The following PLXND1 variants were observed in gnomAD, a reference collection of about 807,000 sequenced individuals.
The protein encoded by PLXND1 is plexin D1, also known as plexin-D1.
A neutral mutation model predicts 197.7 loss-of-function variants in PLXND1; 54 were observed. The ratio of observed to expected loss-of-function variants is 0.27; its 90% confidence interval spans 0.22 to 0.34. The LOEUF is 0.34. Ranked by LOEUF, PLXND1 falls within the 10% of genes least tolerant of loss-of-function variation. The pLI, the probability that PLXND1 is intolerant of heterozygous loss-of-function variation, is 1.00. For missense variants in PLXND1, 2,127 were observed against 2,699.2 expected (o/e 0.79, Z 4.70); for synonymous variants, 1,180 against 1,161.2 (o/e 1.02, Z -0.33).
Position 129,565,964 on chromosome 3 carries a change from T to C in PLXND1, c.4245A>G (p.Ser1415=). ...TGAGGAAGTGCTTGTTGTTGAGTAG[T>C]GAGGAGAACAAGCTAATTCCCTCTT... ...NMEEGISLFS[S]LLNNKHFLIV... The change falls in exon 24 of 36, where the codon TCA becomes TCG. Residue 1415 remains serine (S), a synonymous_variant. Coordinates refer to ENST00000324093, the MANE Select transcript of PLXND1 (RefSeq NM_015103.3). The C allele has an allele frequency of 6.2e-7, 1 of 1,614,026 alleles. No individual in the cohort carries two copies. Among genetic ancestry groups the C allele is most frequent in the Non-Finnish European group, 8.5e-7 (1 of 1,179,910 alleles).
At chr3:129,581,804 C>T (rs1039657120) in intron 8 of PLXND1, among the ~76,000 whole-genome samples, 2 of 152,240 alleles carry the variant, frequency 1.3e-5, no homozygotes, top group African/African-American at 4.8e-5. Context: ...ACAGCAGGCA[C>T]TCAATAAATG....
At chr3:129,600,842 G>A (rs1459265192) in intron 1 of PLXND1, among the ~76,000 whole-genome samples, 2 of 152,022 alleles carry the variant, frequency 1.3e-5, no homozygotes, top group African/African-American at 4.8e-5. Context: ...GCAAAAAAAT[G>A]TCTTCTTGAC....
intron 1 of PLXND1, among the ~76,000 whole-genome samples, chr3:129,604,010 C>A (rs2085747985): frequency 1.3e-5 from 2 of 152,296 alleles, no homozygotes; most frequent in Admixed American, 1.3e-4. Flanking sequence ...ACAGACCCAG[C>A]TCCCAAAGCC....
At position 129,589,331 on chromosome 3, in the gene PLXND1, A is replaced by ACCCCCCCC; in HGVS notation, c.1488+19_1488+20insGGGGGGGG. ...AGCCTCCCACCCCCACCCCCTCCCC[A>ACCCCCCCC]CATCCCCAACCATACCTACCTTGAG... On this transcript the variant is annotated intron_variant, in intron 2 of 35. Coordinates refer to ENST00000324093, the MANE Select transcript of PLXND1 (RefSeq NM_015103.3). 1 of 489,474 alleles carries ACCCCCCCC rather than the reference A, an allele frequency of 2.0e-6. No individual in the cohort carries two copies. Among genetic ancestry groups the ACCCCCCCC allele is most frequent in the Non-Finnish European group, 3.3e-6 (1 of 306,482 alleles). 30.3% of individuals were successfully genotyped at this position (489,474 alleles called of 1,614,324 possible). A position where few individuals can be genotyped will look rare whatever the true frequency, so the allele number is the denominator to read the frequency against.
At position 129,606,668 on chromosome 3, in the gene PLXND1, C is replaced by G. The variant is rs2085801537; in HGVS notation, c.-29G>C. On this transcript the variant is annotated 5_prime_UTR_variant, in exon 1 of 36. Coordinates refer to ENST00000324093, the MANE Select transcript of PLXND1 (RefSeq NM_015103.3). ...GGCGTGCGCGGGCTGCGCGGCGCGG[C>G]GAGTGCATGGGGCGAGGCGCGGCCG... The G allele has an allele frequency of 1.1e-6, 1 of 908,692 alleles. No homozygotes were observed. The highest frequency in any genetic ancestry group is 1.2e-4 in the East Asian group (1 of 8,658). 56.3% of individuals were successfully genotyped at this position (908,692 alleles called of 1,614,324 possible).
chr3:129,563,010 G>A lies in PLXND1; in HGVS notation c.4669-67C>T, dbSNP rs183665765. On this transcript the variant is annotated intron_variant, in intron 26 of 35. Transcript: ENST00000324093. ...CCATCACTATGTCAGTGCCCAGGCA[G>A]CAAGGCCCTGCAGAGGAAGGCTGGG... is the stretch of plus-strand genomic sequence containing the variant. The A allele has an allele frequency of 1.1e-5, 18 of 1,608,582 alleles. No individual in the cohort carries two copies. In the Admixed American group the frequency reaches 2.0e-4, roughly 18 times the overall value.
intron 2 of PLXND1, among the ~76,000 whole-genome samples, chr3:129,587,557 G>A (rs1198174283): frequency 6.6e-6 from 1 of 152,188 alleles, no homozygotes; most frequent in Non-Finnish European, 1.5e-5. Flanking sequence ...CCAGGCCCCA[G>A]GCTGGGCATT....
At chr3:129,575,348 G>A (rs1329764591) in intron 11 of PLXND1, 121 bp downstream of exon 11, 1 of 662,970 alleles carries the variant, frequency 1.5e-6, no homozygotes, top group African/African-American at 1.8e-5. Context: ...GTGTGTGCTG[G>A]AGAACAATGG....
intron 27 of PLXND1, chr3:129,562,516 A>G (rs1172546713): frequency 1.1e-5 from 4 of 366,564 alleles, no homozygotes; most frequent in Non-Finnish European, 2.0e-5. Context: ...TCTCAAAAAC[A>G]AACAAACAAA....
At chr3:129,589,270 G>A (rs2085502061) in intron 2 of PLXND1, 81 bp downstream of exon 2, 1 of 853,720 alleles carries the variant, frequency 1.2e-6, no homozygotes, top group Admixed American at 2.2e-5. Flanking sequence ...TAGCAGCCCT[G>A]TGTACAGACT....
intron 1 of PLXND1, among the ~76,000 whole-genome samples, chr3:129,603,473 A>G (rs1408350831): frequency 6.6e-6 from 1 of 152,198 alleles, no homozygotes; most frequent in Non-Finnish European, 1.5e-5. Flanking sequence ...CCCTCAGTCC[A>G]CAGGACACTT....
intron 1 of PLXND1, among the ~76,000 whole-genome samples, chr3:129,597,691 C>T (rs1487790456): frequency 2.0e-5 from 3 of 152,236 alleles, no homozygotes; most frequent in Non-Finnish European, 2.9e-5. Context: ...GAGTATCAGC[C>T]GAGCAGGGTG....
chr3:129,589,285 C>A (rs370130006), intron 2 of PLXND1, 66 bp downstream of exon 2: 8 of 921,090 alleles, frequency 8.7e-6, no homozygotes, highest in African/African-American at 8.1e-5. Flanking sequence ...CAGACTGACC[C>A]CCTCAGCCAA....
At chr3:129,572,586 A>C in intron 15 of PLXND1, 23 bp downstream of exon 15, 1 of 1,484,322 alleles carries the variant, frequency 6.7e-7, no homozygotes. Context: ...GCTGGAAGGG[A>C]TGGGCCAGGC....
chr3:129,568,498 C>T (rs1025936998), intron 20 of PLXND1, among the ~76,000 whole-genome samples: 5 of 152,104 alleles, frequency 3.3e-5, no homozygotes, highest in South Asian at 2.1e-4. Flanking sequence ...TGTGAAATAA[C>T]GTACATACCA....
In PLXND1 at chr3:129,566,551, G is replaced by C. The variant is rs1193802058; in HGVS notation, c.4167C>G (p.Thr1389=). The change falls in exon 23 of 36, where the codon ACC becomes ACG. Residue 1389 remains threonine (T), a synonymous_variant. Coordinates refer to ENST00000324093, the MANE Select transcript of PLXND1 (RefSeq NM_015103.3). ...CCTTCCACTCTCCCAGCAGTGGGTG[G>C]GTTTCCTGTGCCTGGGAGCTGCCCT... is the stretch of plus-strand genomic sequence containing the variant. ...NSQGSSQAQE[T]HPLLGEWKIP... The C allele has an allele frequency of 3.1e-6, 5 of 1,611,710 alleles. No homozygotes were observed. Among genetic ancestry groups the C allele is most frequent in the Non-Finnish European group, 4.2e-6 (5 of 1,177,992 alleles).
chr3:129,597,632 A>G (rs2085646897), intron 1 of PLXND1, among the ~76,000 whole-genome samples: 1 of 152,242 alleles, frequency 6.6e-6, no homozygotes, highest in Non-Finnish European at 1.5e-5. Flanking sequence ...ACGGTGGACT[A>G]GGCGGGGAGG....
At chr3:129,587,287 C>G (rs930810370) in intron 2 of PLXND1, among the ~76,000 whole-genome samples, 7 of 152,182 alleles carry the variant, frequency 4.6e-5, no homozygotes, top group Non-Finnish European at 7.3e-5. Context: ...GCAAGAGGCA[C>G]AAAGTGAAGA....
chr3:129,563,181 C>T lies in PLXND1; in HGVS notation c.4581G>A (p.Lys1527=), dbSNP rs1390903811. The T allele has an allele frequency of 6.2e-7, 1 of 1,612,596 alleles. No homozygotes were observed. The highest frequency in any genetic ancestry group is 1.3e-5 in the African/African-American group (1 of 74,906). The change falls in exon 26 of 36, where the codon AAG becomes AAA. Residue 1527 remains lysine (K), a synonymous_variant. Transcript: ENST00000324093. ...TGCCTGTGATGGCGTCGATGGAGCC[C>T]TTGTTGATTTGCTGCTTGATGGCAC... The part of the protein sequence containing the change: ...LLCAIKQQIN[K]GSIDAITGKA...
Sources: allele counts gnomAD v4.1 joint callset (sites outside exome capture counted in the v4.1 genomes callset), GRCh38; gene constraint gnomAD v4.1.1; transcripts MANE v1.5; gene names NCBI Gene and HGNC (gene_info 2026-07-23, HGNC 2026-07-21).